Variants in ZNF384 observed in about 807,000 individuals in gnomAD.
ZNF384 encodes CAG repeat protein 1.
Under a neutral mutation model 65.0 loss-of-function variants are expected in ZNF384, and 20 were observed. The observed-to-expected ratio is 0.31, with a 90% CI of 0.22 to 0.45. The LOEUF (loss-of-function observed/expected upper bound fraction) is 0.45. ZNF384 is among the 20% of genes least tolerant of loss of function. The pLI, the probability that ZNF384 is intolerant of heterozygous loss-of-function variation, is 1.00. For synonymous variants in ZNF384, 310 were observed against 303.9 expected (o/e 1.02, Z -0.21); for missense variants, 549 against 769.4 (o/e 0.71, Z 3.39).
chr12:6,678,789 G>A lies in ZNF384; in HGVS notation c.305-79C>T. 6.5e-7 allele frequency: 1 copy of A among 1,532,436 alleles called. No individual in the cohort carries two copies. The highest frequency in any genetic ancestry group is 9.0e-7 in the Non-Finnish European group (1 of 1,108,354). 94.9% of individuals were successfully genotyped at this position (1,532,436 alleles called of 1,614,324 possible). A position where few individuals can be genotyped will look rare whatever the true frequency, so the allele number is the denominator to read the frequency against. ...TCTACTTCTTTGTATCCCCCACAATGCCTAGCACATTGCTAGGCACACAGT... is the reference window on the plus strand; with the variant it reads ...TCTACTTCTTTGTATCCCCCACAATACCTAGCACATTGCTAGGCACACAGT... On this transcript the variant is annotated intron_variant, in intron 4 of 11. Transcript: ENST00000683879. This position sits in a 1 kb window ranked among gnomAD's most constrained non-coding sequence, Gnocchi z 4.9.
rs778450997 is a variant in ZNF384, at chr12:6,678,098, C to T, written c.686+29G>A. The T allele has an allele frequency of 1.3e-6, 2 of 1,584,518 alleles. No homozygotes were observed. Among genetic ancestry groups the T allele is most frequent in the Non-Finnish European group, 1.7e-6 (2 of 1,159,424 alleles). On this transcript the variant is annotated intron_variant, in intron 6 of 11. Coordinates refer to ENST00000683879, the MANE Select transcript of ZNF384 (RefSeq NM_001385745.1). This position sits in a 1 kb window ranked among gnomAD's most constrained non-coding sequence, Gnocchi z 4.9. ...GAATCACCAAGCCAGGGATCCTCGC[C>T]CCATCCTGCCCCTGGCTCTGAGTCT...
chr12:6,669,235 C>T lies in ZNF384; in HGVS notation c.1267-46G>A, dbSNP rs751169984. The stretch of plus-strand genomic sequence containing the variant: ...CAGAATGAATACATTGTACTCTTTC[C>T]TCCTGCCCCCTTGACCTCGATGGAA... On this transcript the variant is annotated intron_variant, in intron 10 of 11. Transcript: ENST00000683879. The T allele has an allele frequency of 3.2e-6, 5 of 1,548,884 alleles. No homozygotes were observed. The African/African-American group carries it at 5.5e-5, about 17-fold the overall frequency.
chr12:6,681,156 T>C (rs1341733377), intron 2 of ZNF384, among the ~76,000 whole-genome samples: 1 of 150,936 alleles, frequency 6.6e-6, no homozygotes, highest in Non-Finnish European at 1.5e-5. Context: ...GAGGCGGAGG[T>C]TGCAGTGAGC....
chr12:6,679,214 C>A (rs1259469365), intron 3 of ZNF384, 31 bp from the exon 4 acceptor site: 1 of 1,533,702 alleles, frequency 6.5e-7, no homozygotes, highest in Non-Finnish European at 8.8e-7. Flanking sequence ...CGGGAGCACC[C>A]TCTTCAGCCT....
chr12:6,668,217 CT>C, intron 11 of ZNF384, 102 bp from the exon 12 acceptor site: 1 of 1,236,608 alleles, frequency 8.1e-7, no homozygotes, highest in Non-Finnish European at 1.1e-6. Context: ...GCAGAGTAAG[CT>C]TTATACTGGT....
intron 2 of ZNF384, among the ~76,000 whole-genome samples, chr12:6,683,274 G>C (rs901134053): frequency 6.6e-6 from 1 of 151,218 alleles, no homozygotes; most frequent in African/African-American, 2.4e-5. Context: ...CTGGGCAACA[G>C]AGCAAGACTG....
At chr12:6,676,605 T>C (rs1193596433) in intron 7 of ZNF384, among the ~76,000 whole-genome samples, 1 of 152,106 alleles carries the variant, frequency 6.6e-6, no homozygotes, top group East Asian at 1.9e-4. Flanking sequence ...CTCTATAGAG[T>C]GTTAAAGGAT....
intron 2 of ZNF384, among the ~76,000 whole-genome samples, chr12:6,686,664 G>A (rs1274697484): frequency 1.3e-5 from 2 of 152,188 alleles, no homozygotes; most frequent in African/African-American, 4.8e-5. Flanking sequence ...GGATGGAAGA[G>A]GATGAGGCCT....
At chr12:6,669,432 A>C (rs1950640651) in intron 10 of ZNF384, among the ~76,000 whole-genome samples, 1 of 152,154 alleles carries the variant, frequency 6.6e-6, no homozygotes, top group Non-Finnish European at 1.5e-5. Context: ...AGTGGTTCTT[A>C]AAATGAGGCA....
At position 6,677,192 on chromosome 12, in the gene ZNF384, T is replaced by C; in HGVS notation, c.754A>G (p.Thr252Ala). Residue 252 changes from threonine to alanine, a missense_variant, in exon 7 of 12, where the codon ACC becomes GCC. Thr to Ala is a moderately conservative substitution (Grantham distance 58). Transcript: ENST00000683879. Reference protein sequence around the residue: ...LGLMDSVPGSTTNLLCDPGCR... With the variant: ...LGLMDSVPGSATNLLCDPGCR... Reference sequence around the variant, plus strand: ...CCAGGGTCACACAGCAAATTCGTGGTGGAGCCGGGAACTGAATCCATGAGC... The same window carrying C: ...CCAGGGTCACACAGCAAATTCGTGGCGGAGCCGGGAACTGAATCCATGAGC... 8.2e-7 allele frequency: 1 copy of C among 1,218,744 alleles called. No individual in the cohort carries two copies. The highest frequency in any genetic ancestry group is 1.1e-6 in the Non-Finnish European group (1 of 916,274). 75.5% of individuals were successfully genotyped at this position (1,218,744 alleles called of 1,614,324 possible).
Position 6,679,509 on chromosome 12 carries a change from A to T in ZNF384, c.12T>A (p.Ser4=), listed in dbSNP as rs1955076525. MEE[S]HFNSNPYFWP... ...AGAAGTACGGGTTAGAATTGAAGTG[A>T]GATTCTTCCATTCTACCTGAAGAAA... The change falls in exon 3 of 12, where the codon TCT becomes TCA. Residue 4 remains serine (S), a synonymous_variant. Coordinates refer to ENST00000683879, the MANE Select transcript of ZNF384 (RefSeq NM_001385745.1). The T allele has an allele frequency of 1.2e-6, 2 of 1,613,608 alleles. No individual in the cohort carries two copies. The highest frequency in any genetic ancestry group is 1.3e-5 in the African/African-American group (1 of 75,048).
Position 6,679,181 on chromosome 12 carries a change from G to C in ZNF384, c.69C>G (p.Ile23Met), listed in dbSNP as rs532664967. The C allele has an allele frequency of 3.2e-6, 5 of 1,568,600 alleles. No individual in the cohort carries two copies. Among genetic ancestry groups the C allele is most frequent in the Non-Finnish European group, 4.3e-6 (5 of 1,155,584 alleles). Residue 23 changes from isoleucine to methionine, a missense_variant and splice_region_variant, in exon 4 of 12, where the codon ATC becomes ATG. Around this residue, in one of 5 missense-constraint regions of ZNF384, gnomAD observed 277 missense variants for 337.2 expected, o/e 0.82. Transcript: ENST00000683879. ...WPSIPTVSGQ[I>M]ENTMFINKMK... Reference sequence around the variant, plus strand: ...TCTTGTTGATGAACATTGTGTTCTCGATCTAAGAGAAAAGGAAGGGGACGG... The same window carrying C: ...TCTTGTTGATGAACATTGTGTTCTCCATCTAAGAGAAAAGGAAGGGGACGG...
upstream of ZNF384, chr12:6,689,432 C>G (rs984294853): frequency 1.3e-5 from 2 of 152,358 alleles, no homozygotes; most frequent in Non-Finnish European, 2.9e-5. Context: ...CCTCCCTCCC[C>G]CCAACAGGCT....
Position 6,673,120 on chromosome 12 carries a change from G to T in ZNF384, c.1004+96C>A. 2 of 1,156,634 alleles carry T rather than the reference G, an allele frequency of 1.7e-6. No individual in the cohort carries two copies. Among genetic ancestry groups the T allele is most frequent in the East Asian group, 2.5e-5 (1 of 39,318 alleles). 71.6% of individuals were successfully genotyped at this position (1,156,634 alleles called of 1,614,324 possible). On this transcript the variant is annotated intron_variant, in intron 8 of 11. Coordinates refer to ENST00000683879, the MANE Select transcript of ZNF384 (RefSeq NM_001385745.1). The surrounding 1 kb of genome is among the most constrained non-coding windows in gnomAD (Gnocchi z 4.7). Reference sequence around the variant, plus strand: ...AGGCTACCAATGGGCAAAGGTGAAAGGGAAAGAATAATACATGTGGAGAGA... The same window carrying T: ...AGGCTACCAATGGGCAAAGGTGAAATGGAAAGAATAATACATGTGGAGAGA...
At position 6,672,391 on chromosome 12, in the gene ZNF384, C is replaced by A; in HGVS notation, c.1146G>T (p.Gln382His). The change falls in exon 9 of 12, where the codon CAG (glutamine) becomes CAT (histidine). Residue 382 changes from glutamine to histidine, a missense_variant. By Grantham distance (24) the Gln-to-His change is conservative. Coordinates refer to ENST00000683879, the MANE Select transcript of ZNF384 (RefSeq NM_001385745.1). This position sits in a 1 kb window ranked among gnomAD's most constrained non-coding sequence, Gnocchi z 4.4. Reference sequence around the variant, plus strand: ...GGTGGGAGAGCTGGCGGAAGGCCTTCTGGCAGTAGGAACAGTTGTAGGGCT... The same window carrying A: ...GGTGGGAGAGCTGGCGGAAGGCCTTATGGCAGTAGGAACAGTTGTAGGGCT... ...GAKPYNCSYC[Q>H]KAFRQLSHLQ... 6.2e-7 allele frequency: 1 copy of A among 1,614,134 alleles called. No individual in the cohort carries two copies. The highest frequency in any genetic ancestry group is 8.5e-7 in the Non-Finnish European group (1 of 1,179,942).
At chr12:6,680,976 G>A (rs1014499947) in intron 2 of ZNF384, among the ~76,000 whole-genome samples, 1 of 152,056 alleles carries the variant, frequency 6.6e-6, no homozygotes, top group Non-Finnish European at 1.5e-5. Flanking sequence ...TAGCACTTTG[G>A]GAGGCCAAGA....
chr12:6,673,729 A>G lies in ZNF384; in HGVS notation c.780-289T>C, dbSNP rs547060821. Among the ~76,000 whole-genome samples the G allele has an allele frequency of 2.6e-5, 4 of 152,318 alleles. No homozygotes were observed. The highest frequency in any genetic ancestry group is 2.6e-4 in the Admixed American group (4 of 15,298). Reference sequence around the variant, plus strand: ...GAACTCTGGGCAGATGCGAATTTCAATGGGCCAGGAATATCAGTTAACTTG... The same window carrying G: ...GAACTCTGGGCAGATGCGAATTTCAGTGGGCCAGGAATATCAGTTAACTTG... On this transcript the variant is annotated intron_variant, in intron 7 of 11. Coordinates refer to ENST00000683879, the MANE Select transcript of ZNF384 (RefSeq NM_001385745.1). The surrounding 1 kb of genome is among the most constrained non-coding windows in gnomAD (Gnocchi z 4.7).
chr12:6,667,738 C>A lies in ZNF384; in HGVS notation c.1803G>T (p.Gln601His). The change falls in exon 12 of 12, where the codon CAG becomes CAT. Residue 601 changes from glutamine (Q) to histidine (H), a missense_variant. Coordinates refer to ENST00000683879, the MANE Select transcript of ZNF384 (RefSeq NM_001385745.1). ...ICLTVTTSTI[Q>H]VEHLASS Reference sequence around the variant, plus strand: ...TCTAAGAGCTGGCCAGGTGCTCCACCTGGATGGTGCTGGTGGTGACAGTGA... The same window carrying A: ...TCTAAGAGCTGGCCAGGTGCTCCACATGGATGGTGCTGGTGGTGACAGTGA... 1 of 1,614,186 alleles carries A rather than the reference C, an allele frequency of 6.2e-7. No individual in the cohort carries two copies. Among genetic ancestry groups the A allele is most frequent in the East Asian group, 2.2e-5 (1 of 44,882 alleles).
In ZNF384 at chr12:6,667,889, TGTG is replaced by T; in HGVS notation, c.1649_1651del (p.Pro550del). 1 of 1,610,406 alleles carries T rather than the reference TGTG, an allele frequency of 6.2e-7. No individual in the cohort carries two copies. On this transcript the variant is annotated inframe_deletion, in exon 12 of 12. Transcript: ENST00000683879. ...GGGGGCTGCCCCAGGAGACTGGAAG[TGTG>T]GTGGTGGCTGTTGCTGCTGCTGCTG...
Sources: allele counts gnomAD v4.1 joint callset (sites outside exome capture counted in the v4.1 genomes callset), GRCh38; gene constraint gnomAD v4.1.1; regional missense constraint gnomAD v4.1.1; non-coding constraint Gnocchi (gnomAD v3.1); transcripts MANE v1.5; gene names NCBI Gene and HGNC (gene_info 2026-07-23, HGNC 2026-07-21).